Variants in TNNI3K observed in about 807,000 individuals in gnomAD.
TNNI3K encodes the protein TNNI3 interacting kinase.
In TNNI3K, 140 loss-of-function variants were observed where a neutral mutation model predicts 114.5. The ratio of observed to expected loss-of-function variants is 1.22; its 90% CI spans 1.07 to 1.41. The LOEUF is 1.41. Ranked by LOEUF, TNNI3K falls within the 40% of genes most tolerant of loss-of-function variation. The pLI, the probability that TNNI3K is intolerant of heterozygous loss-of-function variation, is 0.00. For synonymous variants in TNNI3K, 347 were observed against 347.5 expected (o/e 1.00, Z 0.02); for missense variants, 1,125 against 1,007.6 (o/e 1.12, Z -1.58).
intron 4 of TNNI3K, among the ~76,000 whole-genome samples, chr1:74,261,391 G>A (rs1002915347): frequency 2.6e-5 from 4 of 151,946 alleles, no homozygotes; most frequent in African/African-American, 9.7e-5. Context: ...AACTGAAGCC[G>A]CCAGTGTAAA....
chr1:74,313,667 G>T (rs1659123470), intron 5 of TNNI3K, among the ~76,000 whole-genome samples: 1 of 152,122 alleles, frequency 6.6e-6, no homozygotes, highest in South Asian at 2.1e-4. Context: ...TACAGAGCTA[G>T]ACTTGCCTTG....
chr1:74,402,441 C>G (rs1570577388), intron 17 of TNNI3K, among the ~76,000 whole-genome samples: 1 of 152,082 alleles, frequency 6.6e-6, no homozygotes, highest in African/African-American at 2.4e-5. Context: ...TCATTTTTCT[C>G]CTATTCTGGA....
At chr1:74,528,442 T>C (rs1182929512) in intron 23 of TNNI3K, among the ~76,000 whole-genome samples, 2 of 151,982 alleles carry the variant, frequency 1.3e-5, no homozygotes, top group African/African-American at 4.8e-5. Context: ...TCTGCATGGG[T>C]GTGGGATATT....
chr1:74,326,310 G>C (rs920414492), intron 5 of TNNI3K, among the ~76,000 whole-genome samples: 2 of 151,852 alleles, frequency 1.3e-5, no homozygotes, highest in Non-Finnish European at 2.9e-5. Flanking sequence ...CTCTTTATAC[G>C]GTCATTCTTT....
intron 5 of TNNI3K, among the ~76,000 whole-genome samples, chr1:74,324,186 G>T (rs1659775533): frequency 6.6e-6 from 1 of 152,196 alleles, no homozygotes; most frequent in African/African-American, 2.4e-5. Flanking sequence ...GTGACCAGTT[G>T]CTTCTCTCAC....
In TNNI3K at chr1:74,486,088, T is replaced by C. The variant is rs190311434; in HGVS notation, c.2122-3101T>C. On this transcript the variant is annotated intron_variant, in intron 21 of 24. Coordinates refer to ENST00000326637, the MANE Select transcript of TNNI3K (RefSeq NM_015978.3). ...TAATTTGTTATAAAACAATAACTAA[T>C]ACACTCCAGTTGCCCTGAATTCTGT... 1.6e-4 allele frequency among the ~76,000 whole-genome samples: 24 copies of C among 152,160 alleles called. No individual in the cohort carries two copies. The East Asian group carries it at 3.5e-3, about 22-fold the overall frequency.
intron 4 of TNNI3K, among the ~76,000 whole-genome samples, chr1:74,260,382 C>T (rs1019113775): frequency 2.6e-5 from 4 of 152,102 alleles, no homozygotes; most frequent in Middle Eastern, 3.2e-3. Flanking sequence ...TATTATGTAG[C>T]TTAAGAAAGA....
rs1557508820 is a variant in TNNI3K at position 74,343,192 on chromosome 1, T to C, written c.932+13T>C. 4.4e-6 allele frequency: 7 copies of C among 1,600,766 alleles called. No homozygotes were observed. The highest frequency in any genetic ancestry group is 5.1e-6 in the Non-Finnish European group (6 of 1,173,352). ...CAGCTTTTCATAGGTAAAAGAATATTTAAGTGCAATAGCCACTAAACTTAG... is the reference window on the plus strand; with the variant it reads ...CAGCTTTTCATAGGTAAAAGAATATCTAAGTGCAATAGCCACTAAACTTAG... On this transcript the variant is annotated intron_variant, in intron 9 of 24. Transcript: ENST00000326637.
At chr1:74,262,248 G>T (rs1420569973) in intron 4 of TNNI3K, among the ~76,000 whole-genome samples, 3 of 152,024 alleles carry the variant, frequency 2.0e-5, no homozygotes, top group Non-Finnish European at 4.4e-5. Context: ...TGTCCTTTGT[G>T]TTATAAAAAT....
chr1:74,420,975 C>T (rs1489948221), intron 17 of TNNI3K, among the ~76,000 whole-genome samples: 2 of 152,066 alleles, frequency 1.3e-5, no homozygotes, highest in East Asian at 1.9e-4. Context: ...CAGACCTTGG[C>T]GATGAACTTC....
At chr1:74,435,628 T>C (rs1324126941) in intron 17 of TNNI3K, among the ~76,000 whole-genome samples, 1 of 152,070 alleles carries the variant, frequency 6.6e-6, no homozygotes, top group Non-Finnish European at 1.5e-5. Flanking sequence ...GCATTTTCCA[T>C]AGAGAATCCT....
intron 17 of TNNI3K, among the ~76,000 whole-genome samples, chr1:74,415,737 G>GT (rs937080843): frequency 9.6e-4 from 132 of 137,520 alleles, no homozygotes; most frequent in Non-Finnish European, 1.4e-3. Flanking sequence ...AATTTTCTTT[G>GT]TTTTTTTTTT....
chr1:74,454,731 C>T (rs1271892628), intron 20 of TNNI3K, among the ~76,000 whole-genome samples: 1 of 152,066 alleles, frequency 6.6e-6, no homozygotes, highest in Non-Finnish European at 1.5e-5. Flanking sequence ...TGGATATATA[C>T]CTGGCAGTGG....
intron 23 of TNNI3K, among the ~76,000 whole-genome samples, chr1:74,503,758 T>A (rs1669753508): frequency 6.6e-6 from 1 of 152,228 alleles, no homozygotes; most frequent in Non-Finnish European, 1.5e-5. Flanking sequence ...TTTATCTCTT[T>A]CTTTTTAAGC....
At chr1:74,445,085 A>G (rs1183177655) in intron 20 of TNNI3K, among the ~76,000 whole-genome samples, 1 of 152,206 alleles carries the variant, frequency 6.6e-6, no homozygotes, top group Non-Finnish European at 1.5e-5. Flanking sequence ...AAAACCCTAG[A>G]AGAAAATCTA....
At chr1:74,248,650 C>T (rs1378272832) in intron 2 of TNNI3K, among the ~76,000 whole-genome samples, 1 of 152,116 alleles carries the variant, frequency 6.6e-6, no homozygotes, top group Admixed American at 6.5e-5. Flanking sequence ...GAAAATTACA[C>T]CTCAAAATGA....
At chr1:74,383,757 C>G (rs1490547933) in intron 17 of TNNI3K, among the ~76,000 whole-genome samples, 2 of 152,062 alleles carry the variant, frequency 1.3e-5, no homozygotes, top group African/African-American at 4.8e-5. Flanking sequence ...AATCAAGAAA[C>G]ATAAGGATAA....
chr1:74,420,460 G>T (rs1665341607), intron 17 of TNNI3K, among the ~76,000 whole-genome samples: 1 of 152,120 alleles, frequency 6.6e-6, no homozygotes. Context: ...AACAGGGCTT[G>T]AGAAATACTT....
chr1:74,472,318 C>CT (rs753052070), intron 21 of TNNI3K: 2 of 601,260 alleles, frequency 3.3e-6, no homozygotes, highest in Non-Finnish European at 5.9e-6. Context: ...AATTGCAGTT[C>CT]TTCACTATTT....
Sources: allele counts gnomAD v4.1 joint callset (sites outside exome capture counted in the v4.1 genomes callset), GRCh38; gene constraint gnomAD v4.1.1; transcripts MANE v1.5; gene names NCBI Gene and HGNC (gene_info 2026-07-23, HGNC 2026-07-21).